Variants in RBM6 observed in about 807,000 individuals in gnomAD.
The protein encoded by RBM6 is RNA binding motif protein 6, also known as RNA-binding protein 6.
In RBM6, 23 loss-of-function variants were observed where a neutral mutation model predicts 140.4. The observed-to-expected ratio is 0.16, with a 90% CI of 0.12 to 0.23. RBM6 has a LOEUF of 0.23. Among genes scored for constraint, RBM6 ranks in the 10% least tolerant of loss-of-function variants. The pLI, the probability that RBM6 is intolerant of heterozygous loss-of-function variation, is 1.00. For synonymous variants in RBM6, 439 were observed against 475.6 expected (o/e 0.92, Z 1.00); for missense variants, 1,139 against 1,386.7 (o/e 0.82, Z 2.84).
At chr3:49,992,938 T>A (rs1325635346) in intron 5 of RBM6, among the ~76,000 whole-genome samples, 1 of 152,240 alleles carries the variant, frequency 6.6e-6, no homozygotes, top group African/African-American at 2.4e-5. Context: ...TTTTCCTGAT[T>A]GTTGCTTTGC....
chr3:50,076,076 C>G (rs2090450426), intron 20 of RBM6, among the ~76,000 whole-genome samples: 1 of 151,666 alleles, frequency 6.6e-6, no homozygotes, highest in Admixed American at 6.6e-5. Context: ...TCAAGCAATT[C>G]TCCCACCCCA....
chr3:49,982,861 G>T (rs970158718), intron 5 of RBM6, among the ~76,000 whole-genome samples: 3 of 151,418 alleles, frequency 2.0e-5, no homozygotes, highest in Admixed American at 2.0e-4. Context: ...TTACAGGCCT[G>T]CCATCGTGCC....
intron 1 of RBM6, among the ~76,000 whole-genome samples, chr3:49,954,439 CAAA>C (rs529547115): frequency 1.0e-4 from 8 of 80,348 alleles, no homozygotes; most frequent in Admixed American, 3.0e-4. Flanking sequence ...GACTCCATCT[CAAA>C]AAAAAAAAAA....
intron 6 of RBM6, among the ~76,000 whole-genome samples, chr3:50,013,072 G>T (rs1231033774): frequency 6.6e-6 from 1 of 152,112 alleles, no homozygotes; most frequent in Admixed American, 6.5e-5. Flanking sequence ...ACATTTGAAT[G>T]CAGATTTTTG....
chr3:50,034,166 TAGAGAC>T lies in RBM6; in HGVS notation c.1558-14077_1558-14072del, dbSNP rs534370809. Reference sequence around the variant, plus strand: ...ACTCAGCTAATTTTTGTGTTTTTAGTAGAGACAAGGTTTCATCATGTTAGCCAGGCT... The same window carrying T: ...ACTCAGCTAATTTTTGTGTTTTTAGTAAGGTTTCATCATGTTAGCCAGGCT... On this transcript the variant is annotated intron_variant, in intron 6 of 20. Transcript: ENST00000266022. 1.2e-4 allele frequency among the ~76,000 whole-genome samples: 18 copies of T among 150,398 alleles called. No individual in the cohort carries two copies. In the East Asian group the frequency reaches 2.4e-3, roughly 20 times the overall value.
intron 5 of RBM6, among the ~76,000 whole-genome samples, chr3:49,979,668 C>T (rs1172560432): frequency 2.6e-5 from 4 of 151,868 alleles, no homozygotes; most frequent in South Asian, 2.1e-4. Flanking sequence ...CTTGAACTCC[C>T]GACCTCAGGT....
intron 16 of RBM6, 132 bp from the exon 17 acceptor site, chr3:50,066,110 T>C: frequency 3.0e-6 from 3 of 987,940 alleles, no homozygotes; most frequent in Non-Finnish European, 4.3e-6. Flanking sequence ...ATCTGGGAAA[T>C]GAGCAGCATG....
chr3:49,984,104 CAACATGGTGA>C (rs767073967), intron 5 of RBM6, among the ~76,000 whole-genome samples: 1 of 152,012 alleles, frequency 6.6e-6, no homozygotes, highest in African/African-American at 2.4e-5. Flanking sequence ...CCACCCTGGG[CAACATGGTGA>C]AACTCTATCT....
intron 1 of RBM6, among the ~76,000 whole-genome samples, chr3:49,951,038 CAT>C (rs1465591714): frequency 1.3e-5 from 2 of 152,084 alleles, no homozygotes; most frequent in Non-Finnish European, 1.5e-5. Flanking sequence ...GTAATTCTGA[CAT>C]ATGCTACAAC....
chr3:50,061,168 G>A lies in RBM6; in HGVS notation c.2300G>A (p.Gly767Glu), dbSNP rs980891379. 2.5e-6 allele frequency: 4 copies of A among 1,614,048 alleles called. No homozygotes were observed. The highest frequency in any genetic ancestry group is 3.4e-6 in the Non-Finnish European group (4 of 1,180,046). Residue 767 changes from glycine (G) to glutamate (E), a missense_variant, in exon 13 of 21, where the codon GGA (glycine) becomes GAA (glutamate). By Grantham distance (98) the Gly-to-Glu change is moderately conservative (BLOSUM62 -2). Around this residue, in one of 9 missense-constraint regions of RBM6, gnomAD observed 163 missense variants for 182.8 expected, o/e 0.89. Coordinates refer to ENST00000266022, the MANE Select transcript of RBM6 (RefSeq NM_005777.3). ...AAAAAATATTTCCGAGATAGGAGGG[G>A]AGGTGGCAGAAATTCAGACTGGTCT... ...QGKKYFRDRR[G>E]GGRNSDWSSD... is the part of the protein sequence containing the mutation.
intron 5 of RBM6, among the ~76,000 whole-genome samples, chr3:49,996,183 AATAT>A (rs1273652046): frequency 6.6e-6 from 1 of 152,168 alleles, no homozygotes; most frequent in East Asian, 1.9e-4. Flanking sequence ...TATTTAAAGC[AATAT>A]ATTTTCATAC....
In RBM6 at chr3:49,968,401, G is replaced by A; in HGVS notation, c.976G>A (p.Ala326Thr). 6.2e-7 allele frequency: 1 copy of A among 1,614,210 alleles called. No homozygotes were observed. Among genetic ancestry groups the A allele is most frequent in the East Asian group, 2.2e-5 (1 of 44,890 alleles). ...ACATGACCATACGATAGAAAGGCCT[G>A]CTTTTGGCATTCAGAAGGGAGAATT... ...STHDHTIERPAFGIQKGEFEH... is the reference protein window; with the variant it reads ...STHDHTIERPTFGIQKGEFEH... Residue 326 changes from alanine to threonine, a missense_variant, in exon 3 of 21, where the codon GCT becomes ACT. Coordinates refer to ENST00000266022, the MANE Select transcript of RBM6 (RefSeq NM_005777.3).
chr3:49,976,057 A>G (rs1001120896), intron 5 of RBM6, among the ~76,000 whole-genome samples: 24 of 152,308 alleles, frequency 1.6e-4, no homozygotes, highest in African/African-American at 5.3e-4. Flanking sequence ...TTTTTGACCA[A>G]TATTTTTAGA....
chr3:49,957,510 G>A (rs1243267003), intron 1 of RBM6, among the ~76,000 whole-genome samples: 1 of 151,814 alleles, frequency 6.6e-6, no homozygotes, highest in Non-Finnish European at 1.5e-5. Flanking sequence ...TTTCTTATGT[G>A]TATATTCTAA....
At chr3:49,962,761 T>G (rs2084339966) in intron 2 of RBM6, 76 bp downstream of exon 2, 2 of 1,334,226 alleles carry the variant, frequency 1.5e-6, no homozygotes, top group African/African-American at 1.5e-5. Flanking sequence ...CTACTATAAA[T>G]GAAGATATTT....
intron 1 of RBM6, among the ~76,000 whole-genome samples, chr3:49,960,910 C>A (rs1367568768): frequency 1.5e-5 from 2 of 132,276 alleles, no homozygotes; most frequent in African/African-American, 5.6e-5. Flanking sequence ...CCCAGAGTAC[C>A]TTTTTTTTTT....
intron 18 of RBM6, among the ~76,000 whole-genome samples, chr3:50,069,875 CGAGGGCTTGTATAGTG>C (rs1273022343): frequency 3.3e-5 from 5 of 152,072 alleles, no homozygotes; most frequent in African/African-American, 1.2e-4. Flanking sequence ...ATTATATGCC[CGAGGGCTTGTATAGTG>C]GAGGGCTTGT....
chr3:49,973,235 C>T (rs922588100), intron 4 of RBM6, among the ~76,000 whole-genome samples: 2 of 151,666 alleles, frequency 1.3e-5, no homozygotes, highest in East Asian at 1.9e-4. Context: ...CTCAATCGAT[C>T]CTACCACCTC....
chr3:49,953,995 G>T (rs2083856251), intron 1 of RBM6, among the ~76,000 whole-genome samples: 1 of 152,048 alleles, frequency 6.6e-6, no homozygotes, highest in African/African-American at 2.4e-5. Context: ...AATTAGCCGA[G>T]CATGGTAGTG....
Sources: gnomAD v4.1 joint callset for allele counts (sites outside exome capture counted in the v4.1 genomes callset) on GRCh38, gnomAD v4.1.1 for gene constraint, gnomAD v4.1.1 regional missense constraint, MANE v1.5 for transcripts, NCBI Gene and HGNC (gene_info 2026-07-23, HGNC 2026-07-21) for gene names.